ATF7IP2: variants seen among roughly 807,000 people sequenced by gnomAD.
The protein encoded by ATF7IP2 is activating transcription factor 7-interacting protein 2.
In ATF7IP2, 42 loss-of-function variants were observed where a neutral mutation model predicts 64.2. The ratio of observed to expected loss-of-function variants is 0.65; its 90% CI spans 0.51 to 0.85. The LOEUF is 0.85. Ranked by LOEUF, ATF7IP2 falls within the 40% of genes least tolerant of loss-of-function variation. ATF7IP2 has a pLI of 0.00. For missense variants in ATF7IP2, 933 were observed against 784.2 expected, an observed-to-expected ratio of 1.19 and a Z score of -2.27; for synonymous variants, 308 against 272.8, an observed-to-expected ratio of 1.13 and a Z score of -1.27.
At chr16:10,472,609 A>G (rs1295635065) in intron 10 of ATF7IP2, among the ~76,000 whole-genome samples, 2 of 152,216 alleles carry the variant, frequency 1.3e-5, no homozygotes, top group East Asian at 3.9e-4. Flanking sequence ...TAATCCAAGC[A>G]CTTTGGGAGG....
intron 12 of ATF7IP2, among the ~76,000 whole-genome samples, chr16:10,479,116 A>G (rs1270910166): frequency 1.3e-5 from 2 of 150,898 alleles, no homozygotes; most frequent in East Asian, 3.9e-4. Context: ...ATCTAGAACT[A>G]GAAATACCAT....
At chr16:10,448,203 T>A (rs2048874292) in intron 8 of ATF7IP2, 1 of 152,234 alleles carries the variant, frequency 6.6e-6, no homozygotes, top group Non-Finnish European at 1.5e-5. Flanking sequence ...AGTCAGGTAG[T>A]GTGATGCCTC....
chr16:10,480,766 T>C (rs763289170), intron 12 of ATF7IP2, 113 bp from the exon 13 acceptor site: 8 of 775,680 alleles, frequency 1.0e-5, no homozygotes, highest in Non-Finnish European at 1.8e-5. Context: ...ATTCACAGTT[T>C]TATAATTTTA....
Position 10,446,489 on chromosome 16 carries a change from C to A in ATF7IP2, c.1194+6027C>A, listed in dbSNP as rs201690761. The stretch of plus-strand genomic sequence containing the variant: ...GGGGGTGAAGGAGTACAGGTCCTTG[C>A]CACCAACATAGGGCATAACCTATTT... On this transcript the variant is annotated intron_variant, in intron 8 of 13. Transcript: ENST00000562102. 1.2e-4 allele frequency: 18 copies of A among 152,274 alleles called. No homozygotes were observed. The East Asian group carries it at 3.5e-3, about 29-fold the overall frequency. The allele number at this position is 152,274 out of a possible 1,614,324, so 9.4% of individuals were successfully genotyped here.
At chr16:10,414,710 A>T (rs2141825527) in intron 2 of ATF7IP2, 98 bp downstream of exon 2, 1 of 149,136 alleles carries the variant, frequency 6.7e-6, no homozygotes, top group Admixed American at 6.7e-5. Flanking sequence ...TTGTCATATT[A>T]CCAGAGTTGG....
At position 10,431,055 on chromosome 16, in the gene ATF7IP2, T is replaced by G; in HGVS notation, c.435T>G (p.Ser145=). ...CACTGAACACTTCTGAAAACGATTC[T>G]GAGCATCAGACAAATGTAACAAGAT... ...KDSLNTSEND[S]EHQTNVTRSL... Residue 145 remains serine (S), a synonymous_variant, in exon 5 of 14, where the codon TCT becomes TCG. Coordinates refer to ENST00000562102, the MANE Select transcript of ATF7IP2 (RefSeq NM_001393719.1). 1 of 1,614,170 alleles carries G rather than the reference T, an allele frequency of 6.2e-7. No homozygotes were observed. Among genetic ancestry groups the G allele is most frequent in the South Asian group, 1.1e-5 (1 of 91,078 alleles).
At position 10,481,843 on chromosome 16, in the gene ATF7IP2, A is replaced by T. The variant is rs1044087212; in HGVS notation, c.1643A>T (p.Glu548Val). Reference protein sequence around the residue: ...PLAQNAVQVPESFEHLPPLPE... With the variant: ...PLAQNAVQVPVSFEHLPPLPE... ...TTACAATTGTGTTTTTAGGTTCCTG[A>T]GTCCTTTGAGCACCTGCCACCTCTC... The change falls in exon 14 of 14, where the codon GAG becomes GTG. Residue 548 changes from glutamate to valine, a missense_variant. By Grantham distance (121) the Glu-to-Val change is moderately radical (BLOSUM62 -2). Transcript: ENST00000562102. The T allele has an allele frequency of 1.3e-6, 2 of 1,578,652 alleles. No individual in the cohort carries two copies.
At position 10,480,891 on chromosome 16, in the gene ATF7IP2, C is replaced by A; in HGVS notation, c.1562C>A (p.Ser521Tyr). Residue 521 changes from serine to tyrosine, a missense_variant, in exon 13 of 14, where the codon TCC becomes TAC. Ser to Tyr is a moderately radical substitution (Grantham distance 144). Coordinates refer to ENST00000562102, the MANE Select transcript of ATF7IP2 (RefSeq NM_001393719.1). ...LSNCNTESPV[S>Y]PLESHSKAAS... ...GTGTTGTTCACAGAAAGTCCAGTAT[C>A]CCCCCTGGAGTCACATTCGAAAGCT... is the stretch of plus-strand genomic sequence containing the variant. The A allele has an allele frequency of 6.2e-7, 1 of 1,609,148 alleles. No homozygotes were observed. Among genetic ancestry groups the A allele is most frequent in the Non-Finnish European group, 8.5e-7 (1 of 1,175,708 alleles).
At chr16:10,409,049 C>G (rs544013164) in intron 1 of ATF7IP2, among the ~76,000 whole-genome samples, 3 of 152,222 alleles carry the variant, frequency 2.0e-5, no homozygotes, top group Admixed American at 1.3e-4. Flanking sequence ...CAAGAGCACA[C>G]TGAACAAAGG....
At chr16:10,403,702 A>G (rs1255655279) in intron 1 of ATF7IP2, among the ~76,000 whole-genome samples, 10 of 152,222 alleles carry the variant, frequency 6.6e-5, no homozygotes, top group African/African-American at 2.2e-4. Context: ...AACCCATACA[A>G]AGAAGTCAGA....
intron 8 of ATF7IP2, among the ~76,000 whole-genome samples, chr16:10,457,038 C>T (rs760622891): frequency 6.6e-6 from 1 of 152,074 alleles, no homozygotes; most frequent in African/African-American, 2.4e-5. Flanking sequence ...AAAAGTATAA[C>T]AAAAGTAAAA....
chr16:10,457,690 T>C, intron 9 of ATF7IP2, 161 bp downstream of exon 9: 1 of 485,390 alleles, frequency 2.1e-6, no homozygotes, highest in Non-Finnish European at 3.2e-6. Context: ...GTTGTGGGGG[T>C]TTTTTTTTGG....
chr16:10,392,756 A>T (rs902994904), intron 1 of ATF7IP2, among the ~76,000 whole-genome samples: 1 of 152,012 alleles, frequency 6.6e-6, no homozygotes, highest in Non-Finnish European at 1.5e-5. Flanking sequence ...TGGGAGGCCA[A>T]TGCAGGAGGA....
chr16:10,459,113 C>G (rs1464174212), intron 9 of ATF7IP2, among the ~76,000 whole-genome samples: 1 of 152,076 alleles, frequency 6.6e-6, no homozygotes, highest in Non-Finnish European at 1.5e-5. Flanking sequence ...GCGGGCAGAT[C>G]ACCTGAGGTC....
intron 8 of ATF7IP2, among the ~76,000 whole-genome samples, chr16:10,445,009 G>C (rs532409624): frequency 6.6e-6 from 1 of 152,148 alleles, no homozygotes. Flanking sequence ...GGACACTATG[G>C]AATGGTCTTA....
At chr16:10,420,926 C>T (rs1404851704) in intron 3 of ATF7IP2, among the ~76,000 whole-genome samples, 2 of 152,214 alleles carry the variant, frequency 1.3e-5, no homozygotes, top group Non-Finnish European at 2.9e-5. Flanking sequence ...AAGACATTTT[C>T]AGCACCTTCA....
At chr16:10,448,993 C>T (rs908315205) in intron 8 of ATF7IP2, 2 of 152,098 alleles carry the variant, frequency 1.3e-5, no homozygotes, top group Non-Finnish European at 2.9e-5. Context: ...CCATCAGTAC[C>T]TAGTTTATTG....
At chr16:10,438,547 C>G (rs1266201881) in intron 7 of ATF7IP2, among the ~76,000 whole-genome samples, 1 of 151,994 alleles carries the variant, frequency 6.6e-6, no homozygotes, top group Non-Finnish European at 1.5e-5. Flanking sequence ...GTCACCACAC[C>G]TGGCCCATGT....
At chr16:10,457,670 T>G in intron 9 of ATF7IP2, 141 bp downstream of exon 9, 3 of 669,396 alleles carry the variant, frequency 4.5e-6, no homozygotes, top group South Asian at 6.3e-5. Context: ...CTTTTACATA[T>G]TATACTTCAG....
Sources: gnomAD v4.1 joint callset for allele counts (sites outside exome capture counted in the v4.1 genomes callset) on GRCh38, gnomAD v4.1.1 for gene constraint, MANE v1.5 for transcripts, NCBI Gene and HGNC (gene_info 2026-07-23, HGNC 2026-07-21) for gene names.